The following KIF24 variants were observed in gnomAD, a reference collection of about 807,000 sequenced individuals.
The protein encoded by KIF24 is kinesin-like protein KIF24.
KIF24 carries 81 observed loss-of-function variants against 118.9 expected under a neutral mutation model. The observed-to-expected ratio is 0.68, with a 90% CI of 0.57 to 0.82. The LOEUF is 0.82. Ranked by LOEUF, KIF24 falls within the 40% of genes least tolerant of loss-of-function variation. The pLI is 0.00. For synonymous variants in KIF24, 599 were observed against 610.0 expected (o/e 0.98, Z 0.27); for missense variants, 1,560 against 1,661.6 (o/e 0.94, Z 1.06).
At chr9:34,262,131 G>C (rs543378254) in intron 9 of KIF24, among the ~76,000 whole-genome samples, 12 of 152,140 alleles carry the variant, frequency 7.9e-5, no homozygotes, top group Non-Finnish European at 1.5e-4. Flanking sequence ...TTATAGAAAG[G>C]TTGTTTGGGC....
intron 1 of KIF24, among the ~76,000 whole-genome samples, chr9:34,321,356 G>GA (rs1177892268): frequency 2.6e-5 from 4 of 151,864 alleles, no homozygotes; most frequent in African/African-American, 9.7e-5. Flanking sequence ...AACCAGGTGT[G>GA]ATACATGGTC....
At position 34,290,197 on chromosome 9, in the gene KIF24, A is replaced by G; in HGVS notation, c.1104T>C (p.Tyr368=). ...SFYEIYCGQL[Y]DLLNRRKRLF... ...ACCTTTTTCTTCTATTTAGGAGGTCATAAAGCTGTCCACAGTAAATTTCAT... is the reference window on the plus strand; with the variant it reads ...ACCTTTTTCTTCTATTTAGGAGGTCGTAAAGCTGTCCACAGTAAATTTCAT... The change falls in exon 5 of 13, where the codon TAT becomes TAC. Residue 368 remains tyrosine, a synonymous_variant. Transcript: ENST00000402558. 2 of 1,613,736 alleles carry G rather than the reference A, an allele frequency of 1.2e-6. No individual in the cohort carries two copies. Among genetic ancestry groups the G allele is most frequent in the Non-Finnish European group, 1.7e-6 (2 of 1,179,652 alleles).
intron 6 of KIF24, among the ~76,000 whole-genome samples, chr9:34,283,365 C>A (rs1587936412): frequency 6.7e-6 from 1 of 150,236 alleles, no homozygotes; most frequent in Non-Finnish European, 1.5e-5. Flanking sequence ...GGAGTGAGAC[C>A]CTGTCTCAAA....
rs1312399340 is a variant in KIF24 at position 34,296,046 on chromosome 9, C to T, written c.911+971G>A. The stretch of plus-strand genomic sequence containing the variant: ...CATCCTGACTAACACAGTGAAACCC[C>T]GTCTCTACTAAAAATACAAAAAATT... On this transcript the variant is annotated intron_variant, in intron 4 of 12. Transcript: ENST00000402558. Among the ~76,000 whole-genome samples, 9 of 148,122 alleles carry T rather than the reference C, an allele frequency of 6.1e-5. No individual in the cohort carries two copies. The South Asian group carries it at 1.5e-3, about 25-fold the overall frequency.
At chr9:34,286,822 A>G (rs1287977028) in intron 5 of KIF24, 118 bp from the exon 6 acceptor site, 2 of 700,024 alleles carry the variant, frequency 2.9e-6, no homozygotes, top group Non-Finnish European at 5.0e-6. Context: ...TTTGAGTGGG[A>G]TGGATGCTTA....
chr9:34,281,744 T>C (rs534241073), intron 6 of KIF24, among the ~76,000 whole-genome samples: 2 of 152,308 alleles, frequency 1.3e-5, no homozygotes, highest in Admixed American at 1.3e-4. Flanking sequence ...TAAGCTTGGT[T>C]GAAGACTCAG....
chr9:34,299,945 A>G (rs955743770), intron 3 of KIF24, among the ~76,000 whole-genome samples: 1 of 152,104 alleles, frequency 6.6e-6, no homozygotes, highest in South Asian at 2.1e-4. Context: ...TGAATGACAG[A>G]TAAGGCCTTA....
intron 4 of KIF24, among the ~76,000 whole-genome samples, chr9:34,294,609 T>A (rs988418184): frequency 2.0e-5 from 3 of 152,148 alleles, no homozygotes; most frequent in Admixed American, 6.5e-5. Context: ...AATGCAAATA[T>A]CTGTCAACAG....
At chr9:34,265,855 TA>T (rs1437695392) in intron 8 of KIF24, among the ~76,000 whole-genome samples, 5 of 152,140 alleles carry the variant, frequency 3.3e-5, no homozygotes, top group East Asian at 1.9e-4. Context: ...TAATTTTATT[TA>T]TTTTTTTAAT....
At chr9:34,266,508 C>A (rs191729523) in intron 8 of KIF24, among the ~76,000 whole-genome samples, 1 of 151,802 alleles carries the variant, frequency 6.6e-6, no homozygotes, top group Non-Finnish European at 1.5e-5. Context: ...GAAACCGGGT[C>A]TCTACTAAAA....
rs1168754211 is a variant in KIF24, at chr9:34,318,285, CGT to C, written c.-25-6916_-25-6915del. ...GAAATAGGCTATAGAAGAGTAGAAT[CGT>C]GTCGCGGCTCGAGAGCGAGACTCCC... On this transcript the variant is annotated intron_variant, in intron 1 of 12. Coordinates refer to ENST00000402558, the MANE Select transcript of KIF24 (RefSeq NM_194313.4). This position sits in a 1 kb window ranked among gnomAD's most constrained non-coding sequence, Gnocchi z 4.9. The C allele has an allele frequency of 1.9e-5, 11 of 571,966 alleles. No homozygotes were observed. The highest frequency in any genetic ancestry group is 3.5e-5 in the Non-Finnish European group (11 of 318,502). 35.4% of individuals were successfully genotyped at this position (571,966 alleles called of 1,614,324 possible).
chr9:34,315,028 G>C (rs1290782675), intron 1 of KIF24, among the ~76,000 whole-genome samples: 6 of 151,862 alleles, frequency 4.0e-5, no homozygotes, highest in Admixed American at 6.6e-5. Context: ...GGAGGTGAGG[G>C]GAAGTAGGTG....
At chr9:34,271,664 T>A (rs1835513203) in intron 7 of KIF24, 145 bp downstream of exon 7, 1 of 806,940 alleles carries the variant, frequency 1.2e-6, no homozygotes, top group Non-Finnish European at 1.9e-6. Context: ...AGTACAATGA[T>A]TTATTTCAGG....
chr9:34,255,586 C>T (rs1347716367), intron 11 of KIF24, 149 bp downstream of exon 11: 20 of 693,362 alleles, frequency 2.9e-5, no homozygotes, highest in Non-Finnish European at 4.6e-5. Context: ...GTGGAGGGCC[C>T]GGGACCAAAG....
chr9:34,312,761 G>A (rs182650022), intron 1 of KIF24, among the ~76,000 whole-genome samples: 4 of 152,124 alleles, frequency 2.6e-5, no homozygotes, highest in East Asian at 3.9e-4. Flanking sequence ...TGCAGTGGTG[G>A]TATCTTGGCT....
At chr9:34,305,123 C>G (rs1836862606) in intron 3 of KIF24, among the ~76,000 whole-genome samples, 1 of 152,032 alleles carries the variant, frequency 6.6e-6, no homozygotes, top group Non-Finnish European at 1.5e-5. Context: ...TTGCTGTTTC[C>G]CTATGAGACT....
At chr9:34,268,665 G>A (rs1445168641) in intron 8 of KIF24, among the ~76,000 whole-genome samples, 5 of 151,906 alleles carry the variant, frequency 3.3e-5, no homozygotes, top group African/African-American at 1.2e-4. Context: ...TCGGCACCAC[G>A]CCCAGCTAAC....
intron 1 of KIF24, among the ~76,000 whole-genome samples, chr9:34,315,753 G>A (rs1837308371): frequency 6.6e-6 from 1 of 152,210 alleles, no homozygotes; most frequent in African/African-American, 2.4e-5. Context: ...AATGGGCCTG[G>A]CACAGTGGCT....
rs10972056 is a variant in KIF24, at chr9:34,318,710, A to G, written c.-25-7339T>C. ...GGCAGTGCTGAGTGCCAAGCAGCTG[A>G]GCGACGAGGAGGTGCACGCCGGCGT... On this transcript the variant is annotated intron_variant, in intron 1 of 12. Coordinates refer to ENST00000402558, the MANE Select transcript of KIF24 (RefSeq NM_194313.4). This position sits in a 1 kb window ranked among gnomAD's most constrained non-coding sequence, Gnocchi z 4.9. 365 of 1,510,192 alleles carry G rather than the reference A, an allele frequency of 2.4e-4. 1 individual carries two copies. In the East Asian group the frequency reaches 8.1e-3, roughly 34 times the overall value. The allele number at this position is 1,510,192 out of a possible 1,614,324, so 93.5% of individuals were successfully genotyped here. A position where few individuals can be genotyped will look rare whatever the true frequency, so the allele number is the denominator to read the frequency against.
Sources: gnomAD v4.1 joint callset for allele counts (sites outside exome capture counted in the v4.1 genomes callset) on GRCh38, gnomAD v4.1.1 for gene constraint, Gnocchi (gnomAD v3.1) non-coding constraint, MANE v1.5 for transcripts, NCBI Gene and HGNC (gene_info 2026-07-23, HGNC 2026-07-21) for gene names.